The following IQGAP2 variants were observed in gnomAD, a reference collection of about 807,000 sequenced individuals.
The protein encoded by IQGAP2 is IQ motif containing GTPase activating protein 2, also known as ras GTPase-activating-like protein IQGAP2.
In IQGAP2, 173 loss-of-function variants were observed where a neutral mutation model predicts 201.3. That is an observed-to-expected ratio of 0.86 (90% CI 0.76 to 0.98). The LOEUF is 0.98. IQGAP2 is among the 50% of genes least tolerant of loss of function. IQGAP2 has a pLI of 0.00. For synonymous variants in IQGAP2, 675 were observed against 673.9 expected (o/e 1.00, Z -0.03); for missense variants, 1,687 against 1,864.8 (o/e 0.90, Z 1.76).
At chr5:76,616,300 C>T (rs1050680563) in intron 13 of IQGAP2, 1 of 152,386 alleles carries the variant, frequency 6.6e-6, no homozygotes, top group African/African-American at 2.4e-5. Flanking sequence ...TTAGGACTAG[C>T]TTTTCAGTCT....
At chr5:76,688,332 T>G (rs926823595) in intron 30 of IQGAP2, among the ~76,000 whole-genome samples, 8 of 152,192 alleles carry the variant, frequency 5.3e-5, no homozygotes, top group African/African-American at 1.9e-4. Flanking sequence ...ATGTCACTAG[T>G]TTTCCAGTCA....
intron 2 of IQGAP2, among the ~76,000 whole-genome samples, chr5:76,530,943 G>GT: frequency 6.6e-6 from 1 of 152,306 alleles, no homozygotes; most frequent in South Asian, 2.1e-4. Flanking sequence ...GCCCAAAGGG[G>GT]TGTTTTGTGT....
intron 1 of IQGAP2, among the ~76,000 whole-genome samples, chr5:76,458,860 G>A (rs1489369293): frequency 4.6e-5 from 7 of 152,064 alleles, no homozygotes; most frequent in South Asian, 4.1e-4. Flanking sequence ...AGCCTTTCCC[G>A]ATAAGATATT....
At chr5:76,462,473 A>G (rs1754518362) in intron 2 of IQGAP2, among the ~76,000 whole-genome samples, 1 of 152,210 alleles carries the variant, frequency 6.6e-6, no homozygotes, top group African/African-American at 2.4e-5. Context: ...AAGTGCAAAT[A>G]CTTTCCTCAT....
At chr5:76,503,111 C>T (rs1357903231) in intron 2 of IQGAP2, among the ~76,000 whole-genome samples, 3 of 151,142 alleles carry the variant, frequency 2.0e-5, no homozygotes, top group African/African-American at 7.3e-5. Flanking sequence ...CTCAGATTGA[C>T]TTTTTAATTA....
At chr5:76,578,658 CA>C (rs1409402607) in intron 5 of IQGAP2, among the ~76,000 whole-genome samples, 1 of 151,892 alleles carries the variant, frequency 6.6e-6, no homozygotes, top group Admixed American at 6.6e-5. Context: ...CTCATTTTTT[CA>C]AAAGTAATGT....
intron 15 of IQGAP2, among the ~76,000 whole-genome samples, chr5:76,634,400 A>C (rs777965697): frequency 8.6e-5 from 13 of 152,028 alleles, no homozygotes; most frequent in Non-Finnish European, 1.6e-4. Flanking sequence ...CTGGCATTAC[A>C]GTTACCTGCC....
chr5:76,646,362 T>A (rs1004755198), intron 17 of IQGAP2, among the ~76,000 whole-genome samples: 2 of 152,218 alleles, frequency 1.3e-5, no homozygotes, highest in African/African-American at 4.8e-5. Context: ...TTTATTTTGG[T>A]TATTTACATT....
At chr5:76,575,637 T>TA in intron 4 of IQGAP2, 56 bp from the exon 5 acceptor site, 1 of 1,129,112 alleles carries the variant, frequency 8.9e-7, no homozygotes, top group Non-Finnish European at 1.3e-6. Flanking sequence ...TTTGGGAAGT[T>TA]AAAATACTTG....
intron 2 of IQGAP2, among the ~76,000 whole-genome samples, chr5:76,470,285 A>C (rs1324512458): frequency 6.6e-6 from 1 of 152,124 alleles, no homozygotes; most frequent in Non-Finnish European, 1.5e-5. Flanking sequence ...GACACCCATC[A>C]TTTATGCTGT....
intron 31 of IQGAP2, among the ~76,000 whole-genome samples, chr5:76,694,685 A>G (rs1746566248): frequency 6.6e-6 from 1 of 152,232 alleles, no homozygotes; most frequent in African/African-American, 2.4e-5. Flanking sequence ...CCTGGTAATA[A>G]TGTTCCAATA....
At position 76,428,612 on chromosome 5, in the gene IQGAP2, T is replaced by A. The variant is rs532657818; in HGVS notation, c.46+25021T>A. Among the ~76,000 whole-genome samples, 26 of 151,464 alleles carry A rather than the reference T, an allele frequency of 1.7e-4. No individual in the cohort carries two copies. In the South Asian group the frequency reaches 4.6e-3, roughly 27 times the overall value. On this transcript the variant is annotated intron_variant, in intron 1 of 35. Coordinates refer to ENST00000274364, the MANE Select transcript of IQGAP2 (RefSeq NM_006633.5). ...CACCCAGCTAATTTTGCATTTTTTT[T>A]AGTAGAGACGGGGTTTCACCATGTT... is the stretch of plus-strand genomic sequence containing the variant.
chr5:76,472,149 C>G (rs541518061), intron 2 of IQGAP2, among the ~76,000 whole-genome samples: 1 of 152,330 alleles, frequency 6.6e-6, no homozygotes, highest in African/African-American at 2.4e-5. Context: ...GGGCTGCTTT[C>G]CAACCAGCTT....
At chr5:76,618,333 G>T in intron 13 of IQGAP2, 1 of 1,614,174 alleles carries the variant, frequency 6.2e-7, no homozygotes. Context: ...GGTACAGATG[G>T]ATCTGGTCCT....
intron 2 of IQGAP2, among the ~76,000 whole-genome samples, chr5:76,492,589 G>A (rs1756622602): frequency 6.6e-6 from 1 of 152,226 alleles, no homozygotes; most frequent in Non-Finnish European, 1.5e-5. Context: ...GTTACGGAGA[G>A]CCTTGATTGC....
At chr5:76,434,863 A>G (rs747391053) in intron 1 of IQGAP2, among the ~76,000 whole-genome samples, 7 of 66,860 alleles carry the variant, frequency 1.0e-4, no homozygotes, top group Non-Finnish European at 2.1e-4. Context: ...CCGTAACAAC[A>G]TCTATTGTTT....
intron 2 of IQGAP2, among the ~76,000 whole-genome samples, chr5:76,512,846 G>C (rs1305492412): frequency 6.6e-6 from 1 of 152,160 alleles, no homozygotes; most frequent in Non-Finnish European, 1.5e-5. Context: ...CACGAGGTCA[G>C]TAGTTCGAGA....
intron 11 of IQGAP2, among the ~76,000 whole-genome samples, chr5:76,602,861 C>A (rs1474733655): frequency 2.0e-5 from 3 of 152,176 alleles, no homozygotes; most frequent in Non-Finnish European, 4.4e-5. Flanking sequence ...GCCACCTTGA[C>A]AAATTCATGC....
chr5:76,596,192 A>G (rs1475713439), intron 9 of IQGAP2, among the ~76,000 whole-genome samples: 1 of 152,206 alleles, frequency 6.6e-6, no homozygotes, highest in Non-Finnish European at 1.5e-5. Flanking sequence ...TCTTGTCAAA[A>G]AGGGTTAGAA....
Sources: allele counts gnomAD v4.1 joint callset (sites outside exome capture counted in the v4.1 genomes callset), GRCh38; gene constraint gnomAD v4.1.1; transcripts MANE v1.5; gene names NCBI Gene and HGNC (gene_info 2026-07-23, HGNC 2026-07-21).